RCL1: variants seen among roughly 807,000 people sequenced by gnomAD.
RCL1 encodes RNA 3'-terminal phosphate cyclase-like protein.
A neutral mutation model predicts 42.4 loss-of-function variants in RCL1; 24 were observed. The ratio of observed to expected loss-of-function variants is 0.57; its 90% confidence interval spans 0.41 to 0.80. RCL1 has a LOEUF of 0.80. RCL1 is among the 30% of genes least tolerant of loss of function. RCL1 has a pLI of 0.00. For synonymous variants in RCL1, 228 were observed against 177.3 expected, an observed-to-expected ratio of 1.29 and a Z score of -2.27; for missense variants, 578 against 467.9, an observed-to-expected ratio of 1.24 and a Z score of -2.17.
intron 3 of RCL1, among the ~76,000 whole-genome samples, chr9:4,828,810 C>T (rs912789140): frequency 3.9e-5 from 6 of 152,092 alleles, no homozygotes; most frequent in African/African-American, 1.4e-4. Flanking sequence ...TGATGAATTT[C>T]TCAGAAATGG....
intron 3 of RCL1, among the ~76,000 whole-genome samples, chr9:4,827,892 A>G (rs1321354775): frequency 1.3e-5 from 2 of 152,078 alleles, no homozygotes; most frequent in Admixed American, 6.6e-5. Context: ...AAGATATCTT[A>G]AAGCTGATGG....
chr9:4,826,796 T>C (rs1261031317), intron 2 of RCL1, 62 bp from the exon 3 acceptor site: 2 of 1,438,328 alleles, frequency 1.4e-6, no homozygotes, highest in East Asian at 4.5e-5. Flanking sequence ...ACTGCCTTCA[T>C]TACCTTTGTG....
Position 4,792,992 on chromosome 9 carries a change from C to A in RCL1, c.-100C>A, listed in dbSNP as rs932240202. ...TGCTGGAGGCAGCCCGAGCCGCCGC[C>A]GTCGGTGTCGCCGCCACCACCACCA... On this transcript the variant is annotated 5_prime_UTR_variant, in exon 1 of 9. Transcript: ENST00000381750. 2.2e-6 allele frequency: 3 copies of A among 1,390,688 alleles called. No individual in the cohort carries two copies. Among genetic ancestry groups the A allele is most frequent in the South Asian group, 1.4e-5 (1 of 72,426 alleles). The allele number at this position is 1,390,688 out of a possible 1,614,324, so 86.1% of individuals were successfully genotyped here.
At chr9:4,805,741 A>G (rs959693113) in intron 1 of RCL1, among the ~76,000 whole-genome samples, 4 of 151,880 alleles carry the variant, frequency 2.6e-5, no homozygotes, top group East Asian at 1.9e-4. Context: ...GGGTGAGAAG[A>G]GCATTTGACC....
At chr9:4,838,362 C>G (rs1817207367) in intron 5 of RCL1, among the ~76,000 whole-genome samples, 1 of 152,134 alleles carries the variant, frequency 6.6e-6, no homozygotes, top group Non-Finnish European at 1.5e-5. Flanking sequence ...TTAATGCCAC[C>G]CACTCTTTCT....
chr9:4,828,011 C>T (rs1816822791), intron 3 of RCL1, among the ~76,000 whole-genome samples: 1 of 151,848 alleles, frequency 6.6e-6, no homozygotes, highest in South Asian at 2.1e-4. Flanking sequence ...ACAGTGAAAC[C>T]CCGTCTCTAC....
chr9:4,848,455 C>A (rs1380205474), intron 7 of RCL1, among the ~76,000 whole-genome samples: 1 of 152,154 alleles, frequency 6.6e-6, no homozygotes, highest in Non-Finnish European at 1.5e-5. Context: ...AAAAAGGAGG[C>A]AGGGGCAGTT....
intron 1 of RCL1, among the ~76,000 whole-genome samples, chr9:4,816,704 T>G (rs960136703): frequency 1.3e-5 from 2 of 152,254 alleles, no homozygotes; most frequent in Non-Finnish European, 2.9e-5. Flanking sequence ...ATTTTTCATC[T>G]GTTCTCATTA....
intron 2 of RCL1, among the ~76,000 whole-genome samples, chr9:4,825,246 C>G (rs577672241): frequency 6.6e-6 from 1 of 152,292 alleles, no homozygotes; most frequent in East Asian, 1.9e-4. Flanking sequence ...TTACATGATT[C>G]TGCTCCCACT....
intron 1 of RCL1, among the ~76,000 whole-genome samples, chr9:4,802,972 C>T (rs1050835268): frequency 1.3e-5 from 2 of 152,012 alleles, no homozygotes; most frequent in African/African-American, 4.8e-5. Context: ...AGGTGTGTAC[C>T]ACCACACTTG....
intron 3 of RCL1, 57 bp from the exon 4 acceptor site, chr9:4,833,097 C>A: frequency 8.3e-7 from 1 of 1,210,838 alleles, no homozygotes; most frequent in Non-Finnish European, 1.2e-6. Context: ...TTTTTTTTGA[C>A]TCTTGTATTC....
At chr9:4,822,967 C>G (rs1406603125) in intron 1 of RCL1, among the ~76,000 whole-genome samples, 3 of 151,916 alleles carry the variant, frequency 2.0e-5, no homozygotes, top group Non-Finnish European at 4.4e-5. Context: ...CATTCAAACA[C>G]CCTTTTAGTA....
chr9:4,860,643 G>C lies in RCL1; in HGVS notation c.*368G>C, dbSNP rs1053872. ...CAGCCCTCTGTCATATGGCTGTTTT[G>C]CAAACCTGTGGAGTCTGTTACTGTT... On this transcript the variant is annotated 3_prime_UTR_variant, in exon 9 of 9. Coordinates refer to ENST00000381750, the MANE Select transcript of RCL1 (RefSeq NM_005772.5). 52,468 of 186,736 alleles carry C rather than the reference G, an allele frequency of 0.28. 9,222 individuals are homozygous for C. Among genetic ancestry groups the C allele is most frequent in the East Asian group, 0.52 (3,247 of 6,248 alleles). 11.6% of individuals were successfully genotyped at this position (186,736 alleles called of 1,614,324 possible).
chr9:4,817,912 ATTTTTTT>A (rs66886360), intron 1 of RCL1, among the ~76,000 whole-genome samples: 103 of 78,358 alleles, frequency 1.3e-3, no homozygotes, highest in Middle Eastern at 0.011. Flanking sequence ...CTTTTCTAAG[ATTTTTTT>A]TTTTTTTTTT....
intron 3 of RCL1, among the ~76,000 whole-genome samples, chr9:4,832,436 C>G (rs142212288): frequency 2.6e-5 from 4 of 152,248 alleles, no homozygotes; most frequent in East Asian, 1.9e-4. Flanking sequence ...GCTACCGGCT[C>G]TAAACATTAA....
At chr9:4,853,352 C>G (rs1817819847) in intron 8 of RCL1, among the ~76,000 whole-genome samples, 1 of 145,640 alleles carries the variant, frequency 6.9e-6, no homozygotes, top group African/African-American at 2.6e-5. Context: ...GAGACGGAGT[C>G]TCCTCTGTCG....
chr9:4,827,761 C>CATGTGT (rs375068664), intron 3 of RCL1, among the ~76,000 whole-genome samples: 1 of 147,558 alleles, frequency 6.8e-6, no homozygotes, highest in Non-Finnish European at 1.5e-5. Context: ...TGTGTGCACG[C>CATGTGT]GTGTGTGTGT....
In RCL1 at chr9:4,860,333, A is replaced by G; in HGVS notation, c.*58A>G. On this transcript the variant is annotated 3_prime_UTR_variant, in exon 9 of 9. Transcript: ENST00000381750. ...AGACAAAGCAGAAGCTGCCACGGAC[A>G]CCAATGGGACCAAGTCCAAATGGAT... is the stretch of plus-strand genomic sequence containing the variant. 6 of 1,560,564 alleles carry G rather than the reference A, an allele frequency of 3.8e-6. No individual in the cohort carries two copies. The highest frequency in any genetic ancestry group is 1.2e-5 in the South Asian group (1 of 84,110).
intron 8 of RCL1, among the ~76,000 whole-genome samples, chr9:4,853,262 A>G (rs1407091729): frequency 6.6e-6 from 1 of 151,704 alleles, no homozygotes; most frequent in Non-Finnish European, 1.5e-5. Flanking sequence ...TCACACAGAC[A>G]GTAAGTGGGG....
Sources: allele counts gnomAD v4.1 joint callset (sites outside exome capture counted in the v4.1 genomes callset), GRCh38; gene constraint gnomAD v4.1.1; transcripts MANE v1.5; gene names NCBI Gene and HGNC (gene_info 2026-07-23, HGNC 2026-07-21).